The following GABRB1 variants were observed in gnomAD, a reference collection of about 807,000 sequenced individuals.
GABRB1 encodes the protein gamma-aminobutyric acid receptor subunit beta-1.
Under a neutral mutation model 51.6 loss-of-function variants are expected in GABRB1, and 17 were observed. The observed-to-expected ratio is 0.33, with a 90% confidence interval of 0.23 to 0.49. The LOEUF (loss-of-function observed/expected upper bound fraction) is 0.49, where lower values mean the gene tolerates loss of function less well. Among genes scored for constraint, GABRB1 ranks in the 20% least tolerant of loss-of-function variants. The probability of loss-of-function intolerance (pLI) is 0.99; values close to 1 mark genes in which losing one functional copy is unlikely to be tolerated. For synonymous variants in GABRB1, 247 were observed against 218.9 expected, an observed-to-expected ratio of 1.13 and a Z score of -1.14; for missense variants, 410 against 600.6, an observed-to-expected ratio of 0.68 and a Z score of 3.32.
chr4:47,407,366 G>A (rs1182045324), intron 8 of GABRB1, among the ~76,000 whole-genome samples: 1 of 152,076 alleles, frequency 6.6e-6, no homozygotes, highest in African/African-American at 2.4e-5. Context: ...ACCTATTTCA[G>A]TCTTTATCTA....
chr4:47,268,151 A>G (rs1307222883), intron 4 of GABRB1, among the ~76,000 whole-genome samples: 1 of 152,206 alleles, frequency 6.6e-6, no homozygotes, highest in Non-Finnish European at 1.5e-5. Context: ...ATCATCTATT[A>G]ATATAAGAGT....
intron 1 of GABRB1, among the ~76,000 whole-genome samples, chr4:47,013,821 A>G (rs755658345): frequency 6.6e-6 from 1 of 152,188 alleles, no homozygotes. Context: ...TGAAACTATG[A>G]TAGAAGGAAG....
chr4:47,351,277 C>A (rs1299483176), intron 5 of GABRB1, among the ~76,000 whole-genome samples: 1 of 152,210 alleles, frequency 6.6e-6, no homozygotes, highest in African/African-American at 2.4e-5. Flanking sequence ...ATCTAATCCT[C>A]ATATAATCCA....
intron 4 of GABRB1, among the ~76,000 whole-genome samples, chr4:47,313,735 C>G (rs1446487283): frequency 6.6e-6 from 1 of 152,090 alleles, no homozygotes; most frequent in Non-Finnish European, 1.5e-5. Context: ...CTGTATTACA[C>G]AGATTTCTAT....
At chr4:47,005,311 G>A (rs112965393) in intron 1 of GABRB1, among the ~76,000 whole-genome samples, 3 of 152,222 alleles carry the variant, frequency 2.0e-5, no homozygotes, top group African/African-American at 7.2e-5. Context: ...CCAGCTACTC[G>A]GGAGGCTGAG....
At chr4:47,364,990 T>C (rs2110013369) in intron 5 of GABRB1, among the ~76,000 whole-genome samples, 1 of 152,310 alleles carries the variant, frequency 6.6e-6, no homozygotes, top group African/African-American at 2.4e-5. Flanking sequence ...AATTCTAAAA[T>C]AATATCAGGA....
intron 4 of GABRB1, among the ~76,000 whole-genome samples, chr4:47,251,963 G>A (rs1183540297): frequency 6.6e-6 from 1 of 152,166 alleles, no homozygotes; most frequent in Non-Finnish European, 1.5e-5. Context: ...TGCCTGTGGA[G>A]TCTGCATGCT....
At chr4:47,258,572 G>A (rs1722305937) in intron 4 of GABRB1, among the ~76,000 whole-genome samples, 1 of 152,052 alleles carries the variant, frequency 6.6e-6, no homozygotes, top group African/African-American at 2.4e-5. Context: ...GTTTTTGTAG[G>A]AAAATTGTAA....
At chr4:47,171,792 T>C (rs1718444887) in intron 4 of GABRB1, among the ~76,000 whole-genome samples, 1 of 152,150 alleles carries the variant, frequency 6.6e-6, no homozygotes, top group African/African-American at 2.4e-5. Context: ...CACATGTTGC[T>C]TACATCATCA....
At chr4:46,998,732 T>TAAAAAAAA (rs1031492003) in intron 1 of GABRB1, among the ~76,000 whole-genome samples, 210 of 66,386 alleles carry the variant, frequency 3.2e-3, no homozygotes, top group Non-Finnish European at 4.3e-3. Flanking sequence ...AGACTCTGTC[T>TAAAAAAAA]AAAAAAAAAA....
intron 3 of GABRB1, among the ~76,000 whole-genome samples, chr4:47,154,623 C>A (rs1308697654): frequency 6.6e-6 from 1 of 151,950 alleles, no homozygotes; most frequent in Non-Finnish European, 1.5e-5. Flanking sequence ...ACTACTACAG[C>A]TTTTTCTGGT....
rs1725319872 is a variant in GABRB1, at chr4:47,031,925, C to T, written c.92C>T (p.Pro31Leu). The change falls in exon 2 of 9, where the codon CCC becomes CTC. Residue 31 changes from proline to leucine, a missense_variant. By Grantham distance (98) the Pro-to-Leu change is moderately conservative. Around this residue, in one of 5 missense-constraint regions of GABRB1, gnomAD observed 56 missense variants for 54.8 expected, o/e 1.02. Transcript: ENST00000295454. ...MVCCAHSTNE[P>L]SNMSYVKETV... The stretch of plus-strand genomic sequence containing the variant: ...CTTCTTCCCCTTAGCACCAATGAAC[C>T]CAGCAACATGTCATACGTGAAAGAG... The T allele has an allele frequency of 2.5e-6, 4 of 1,613,794 alleles. No individual in the cohort carries two copies. Among genetic ancestry groups the T allele is most frequent in the Non-Finnish European group, 3.4e-6 (4 of 1,179,868 alleles).
At chr4:47,095,521 C>A (rs529783700) in intron 3 of GABRB1, among the ~76,000 whole-genome samples, 7 of 152,200 alleles carry the variant, frequency 4.6e-5, no homozygotes, top group South Asian at 2.1e-4. Context: ...AACATGATGG[C>A]AACTCTACCA....
chr4:47,399,981 T>C (rs936183801), intron 5 of GABRB1, among the ~76,000 whole-genome samples: 2 of 152,186 alleles, frequency 1.3e-5, no homozygotes, highest in African/African-American at 4.8e-5. Context: ...CTGGGGAATT[T>C]GTATTTTCTT....
intron 5 of GABRB1, among the ~76,000 whole-genome samples, chr4:47,353,085 G>A (rs1726419600): frequency 6.6e-6 from 1 of 152,122 alleles, no homozygotes; most frequent in Non-Finnish European, 1.5e-5. Context: ...TGCAAAAGCA[G>A]AAACCTCTGA....
chr4:47,008,454 A>C lies in GABRB1; in HGVS notation c.-20+14528A>C, dbSNP rs570561698. On this transcript the variant is annotated intron_variant, in intron 1 of 3. Coordinates refer to the GABRB1 transcript ENST00000513567. The stretch of plus-strand genomic sequence containing the variant: ...TGGACTATCATTTCAGGAAAAAATA[A>C]AATATTTTACTTTTTTTTTTTTTCT... Among the ~76,000 whole-genome samples the C allele has an allele frequency of 5.7e-4, 86 of 151,908 alleles. 1 individual carries two copies. In the Middle Eastern group the frequency reaches 0.031, roughly 54 times the overall value.
chr4:47,083,602 G>A (rs1727943702), intron 3 of GABRB1, among the ~76,000 whole-genome samples: 2 of 152,044 alleles, frequency 1.3e-5, no homozygotes, highest in African/African-American at 2.4e-5. Flanking sequence ...CTAAACTGGG[G>A]TAATATTCCC....
intron 5 of GABRB1, among the ~76,000 whole-genome samples, chr4:47,330,178 A>C (rs1171682378): frequency 2.0e-5 from 3 of 152,174 alleles, no homozygotes; most frequent in African/African-American, 4.8e-5. Flanking sequence ...TGTTCAACTC[A>C]GGCCTTCAAC....
intron 3 of GABRB1, chr4:47,032,712 G>C (rs1434084608): frequency 1.4e-6 from 1 of 707,266 alleles, no homozygotes; most frequent in Non-Finnish European, 2.6e-6. Context: ...GCACTATTTT[G>C]GGAAGGACGA....
Sources: allele counts gnomAD v4.1 joint callset (sites outside exome capture counted in the v4.1 genomes callset), GRCh38; gene constraint gnomAD v4.1.1; regional missense constraint gnomAD v4.1.1; transcripts MANE v1.5; gene names NCBI Gene and HGNC (gene_info 2026-07-23, HGNC 2026-07-21).